The following ANKRD46 variants were observed in gnomAD, a reference collection of about 807,000 sequenced individuals.
The protein encoded by ANKRD46 is ankyrin repeat domain-containing protein 46.
Under a neutral mutation model 19.8 loss-of-function variants are expected in ANKRD46, and 13 were observed. That is an observed-to-expected ratio of 0.66 (90% CI 0.43 to 1.04). ANKRD46 has a LOEUF of 1.04. Ranked by LOEUF, ANKRD46 falls within the 50% of genes least tolerant of loss-of-function variation. The probability of loss-of-function intolerance (pLI) is 0.00; values close to 1 mark genes in which losing one functional copy is unlikely to be tolerated. For synonymous variants in ANKRD46, 91 were observed against 106.9 expected (o/e 0.85, Z 0.92); for missense variants, 185 against 274.8 (o/e 0.67, Z 2.31).
intron 1 of ANKRD46, among the ~76,000 whole-genome samples, chr8:100,554,166 T>C (rs1445993856): frequency 6.6e-6 from 1 of 152,222 alleles, no homozygotes; most frequent in Non-Finnish European, 1.5e-5. Flanking sequence ...TATCTCCTGC[T>C]TATTCAACAT....
At chr8:100,531,869 T>C (rs1429054272) in intron 2 of ANKRD46, among the ~76,000 whole-genome samples, 1 of 152,172 alleles carries the variant, frequency 6.6e-6, no homozygotes, top group Non-Finnish European at 1.5e-5. Flanking sequence ...ATGACTTGGA[T>C]GGCAATATGG....
In ANKRD46 at chr8:100,527,392, T is replaced by C. The variant is rs1288191169; in HGVS notation, c.470+453A>G. Reference sequence around the variant, plus strand: ...TCTTTTCTAAAATTGCCCAAGTTCTTGGCTTTACTTATACTTCTCTTTTTT... The same window carrying C: ...TCTTTTCTAAAATTGCCCAAGTTCTCGGCTTTACTTATACTTCTCTTTTTT... On this transcript the variant is annotated intron_variant, in intron 4 of 4. Transcript: ENST00000335659. The surrounding 1 kb of genome is among the most constrained non-coding windows in gnomAD (Gnocchi z 4.0). Among the ~76,000 whole-genome samples, 1 of 152,352 alleles carries C rather than the reference T, an allele frequency of 6.6e-6. No individual in the cohort carries two copies. The highest frequency in any genetic ancestry group is 1.9e-4 in the East Asian group (1 of 5,182).
intron 4 of ANKRD46, among the ~76,000 whole-genome samples, chr8:100,526,834 A>G (rs1475576800): frequency 2.0e-5 from 3 of 152,182 alleles, no homozygotes; most frequent in Non-Finnish European, 4.4e-5. Flanking sequence ...AATGATCCCA[A>G]TGGTCTAAGT....
rs965238391 is a variant in ANKRD46 at position 100,510,510 on chromosome 8, C to T, written c.*67G>A. The T allele has an allele frequency of 1.3e-5, 19 of 1,442,620 alleles. No homozygotes were observed. The African/African-American group carries it at 1.7e-4, about 13-fold the overall frequency. The allele number at this position is 1,442,620 out of a possible 1,614,324, so 89.4% of individuals were successfully genotyped here. A position where few individuals can be genotyped will look rare whatever the true frequency, so the allele number is the denominator to read the frequency against. ...CGGAAACAGCCCCACCCAACAGGGA[C>T]GCTGACGTCTGTATCCCTTCTTTCT... On this transcript the variant is annotated 3_prime_UTR_variant, in exon 6 of 6. Coordinates refer to the ANKRD46 transcript ENST00000520552. This position sits in a 1 kb window ranked among gnomAD's most constrained non-coding sequence, Gnocchi z 4.9.
At chr8:100,551,652 C>T in intron 1 of ANKRD46, 1 of 690,666 alleles carries the variant, frequency 1.4e-6, no homozygotes, top group South Asian at 1.3e-5. Flanking sequence ...TTAAAAGCAG[C>T]CCTGGTGACC....
chr8:100,550,968 G>A lies in ANKRD46; in HGVS notation c.-131+8743C>T. On this transcript the variant is annotated intron_variant, in intron 1 of 4. Transcript: ENST00000335659. This position sits in a 1 kb window ranked among gnomAD's most constrained non-coding sequence, Gnocchi z 4.4. ...TTTTTGATGTCATCATATTTGGCAG[G>A]TTTCTCCAGATGGCAGGTCAGGTCC... is the stretch of plus-strand genomic sequence containing the variant. The A allele has an allele frequency of 1.7e-6, 1 of 577,836 alleles. No individual in the cohort carries two copies. 35.8% of individuals were successfully genotyped at this position (577,836 alleles called of 1,614,324 possible).
At chr8:100,528,663 A>G (rs1322033431) in intron 3 of ANKRD46, among the ~76,000 whole-genome samples, 1 of 152,128 alleles carries the variant, frequency 6.6e-6, no homozygotes, top group Non-Finnish European at 1.5e-5. Context: ...TAAGAAAAAA[A>G]TGTCAAATAA....
intron 1 of ANKRD46, among the ~76,000 whole-genome samples, chr8:100,555,200 G>T (rs1376851811): frequency 2.6e-5 from 4 of 151,604 alleles, no homozygotes; most frequent in African/African-American, 9.7e-5. Context: ...ACCTTCAGTA[G>T]AATGGTACTA....
chr8:100,551,576 C>T (rs1812391201), intron 1 of ANKRD46: 1 of 747,492 alleles, frequency 1.3e-6, no homozygotes. Flanking sequence ...AATACTGGAA[C>T]ATGCAGACCA....
chr8:100,550,293 G>A lies in ANKRD46; in HGVS notation c.-131+9418C>T, dbSNP rs776660739. 6.6e-6 allele frequency among the ~76,000 whole-genome samples: 1 copy of A among 152,196 alleles called. No individual in the cohort carries two copies. The highest frequency in any genetic ancestry group is 1.5e-5 in the Non-Finnish European group (1 of 68,040). On this transcript the variant is annotated intron_variant, in intron 1 of 4. Coordinates refer to ENST00000335659, the MANE Select transcript of ANKRD46 (RefSeq NM_001270377.2). The surrounding 1 kb of genome is among the most constrained non-coding windows in gnomAD (Gnocchi z 4.4). ...GCATTCCCACTAGCAATGAATAAGA[G>A]TTCCTGTTAATCCACATTCTCACCA...
At position 100,527,597 on chromosome 8, in the gene ANKRD46, G is replaced by A. The variant is rs1369026263; in HGVS notation, c.470+248C>T. 6.6e-6 allele frequency among the ~76,000 whole-genome samples: 1 copy of A among 152,138 alleles called. No individual in the cohort carries two copies. The highest frequency in any genetic ancestry group is 1.5e-5 in the Non-Finnish European group (1 of 68,042). The stretch of plus-strand genomic sequence containing the variant: ...AATAGCTTCTCAATTGTAATCTGCA[G>A]TCATAAGGTCCTATATAAAGTTCAA... On this transcript the variant is annotated intron_variant, in intron 4 of 4. Coordinates refer to ENST00000335659, the MANE Select transcript of ANKRD46 (RefSeq NM_001270377.2). The surrounding 1 kb of genome is among the most constrained non-coding windows in gnomAD (Gnocchi z 4.0).
chr8:100,516,708 T>C (rs766479954), downstream of ANKRD46, among the ~76,000 whole-genome samples: 3 of 152,234 alleles, frequency 2.0e-5, no homozygotes, highest in Non-Finnish European at 2.9e-5. Flanking sequence ...TTCTACCTGA[T>C]CAATTACGCA....
chr8:100,550,924 T>G lies in ANKRD46; in HGVS notation c.-131+8787A>C. The stretch of plus-strand genomic sequence containing the variant: ...CCCAAGATGCCCTTGAGGGGCCCTC[T>G]GACGCCTGCTTCACCACCTTTTTGA... On this transcript the variant is annotated intron_variant, in intron 1 of 4. Transcript: ENST00000335659. The surrounding 1 kb of genome is among the most constrained non-coding windows in gnomAD (Gnocchi z 4.4). 1.7e-6 allele frequency: 1 copy of G among 600,988 alleles called. No homozygotes were observed. 37.2% of individuals were successfully genotyped at this position (600,988 alleles called of 1,614,324 possible).
In ANKRD46 at chr8:100,527,967, C is replaced by A. The variant is rs1306798390; in HGVS notation, c.348G>T (p.Lys116Asn). 6.2e-7 allele frequency: 1 copy of A among 1,605,860 alleles called. No homozygotes were observed. Among genetic ancestry groups the A allele is most frequent in the Non-Finnish European group, 8.5e-7 (1 of 1,177,832 alleles). The change falls in exon 4 of 5, where the codon AAG becomes AAT. Residue 116 changes from lysine (K) to asparagine (N), a missense_variant. By Grantham distance (94) the Lys-to-Asn change is moderately conservative. Coordinates refer to ENST00000335659, the MANE Select transcript of ANKRD46 (RefSeq NM_001270377.2). This position sits in a 1 kb window ranked among gnomAD's most constrained non-coding sequence, Gnocchi z 4.0. The stretch of plus-strand genomic sequence containing the variant: ...TGACATCTTTATTTACTCCTCTGCG[C>A]TTTGCCAGAACTAAAGGGGTAGCAC... Reference protein sequence around the residue: ...HQGATPLVLAKRRGVNKDVIR... With the variant: ...HQGATPLVLANRRGVNKDVIR...
downstream of ANKRD46, among the ~76,000 whole-genome samples, chr8:100,519,874 C>T (rs543333893): frequency 4.3e-4 from 66 of 152,252 alleles, no homozygotes; most frequent in African/African-American, 1.6e-3. Flanking sequence ...AGGCAAAGAG[C>T]TATTCAACCT....
intron 5 of ANKRD46, among the ~76,000 whole-genome samples, chr8:100,512,386 G>A (rs975819010): frequency 6.6e-6 from 1 of 152,142 alleles, no homozygotes; most frequent in African/African-American, 2.4e-5. Context: ...TTTCCACTGG[G>A]GACTGGGACT....
rs923870419 is a variant in ANKRD46, at chr8:100,532,205, C to A, written c.-28+1004G>T. Among the ~76,000 whole-genome samples, 1 of 152,170 alleles carries A rather than the reference C, an allele frequency of 6.6e-6. No individual in the cohort carries two copies. Among genetic ancestry groups the A allele is most frequent in the Non-Finnish European group, 1.5e-5 (1 of 68,028 alleles). Reference sequence around the variant, plus strand: ...ATCTGGCTGGACACAGTGGCTCACACCTGTAATCCCAGTACTTTGGAAGGC... The same window carrying A: ...ATCTGGCTGGACACAGTGGCTCACAACTGTAATCCCAGTACTTTGGAAGGC... On this transcript the variant is annotated intron_variant, in intron 2 of 4. Coordinates refer to ENST00000335659, the MANE Select transcript of ANKRD46 (RefSeq NM_001270377.2). This position sits in a 1 kb window ranked among gnomAD's most constrained non-coding sequence, Gnocchi z 4.7.
rs1812026488 is a variant in ANKRD46, at chr8:100,534,590, A to G, written c.-130-1279T>C. Among the ~76,000 whole-genome samples the G allele has an allele frequency of 6.6e-6, 1 of 152,194 alleles. No homozygotes were observed. The highest frequency in any genetic ancestry group is 2.4e-5 in the African/African-American group (1 of 41,460). ...GTCTCTAATGTATGATTTGGCTTTA[A>G]TTTTCAATGTTAATTAAAATGGTGC... On this transcript the variant is annotated intron_variant, in intron 1 of 4. Transcript: ENST00000335659. This position sits in a 1 kb window ranked among gnomAD's most constrained non-coding sequence, Gnocchi z 4.2.
rs1811916454 is a variant in ANKRD46 at position 100,529,647 on chromosome 8, A to C, written c.187T>G (p.Leu63Val). The C allele has an allele frequency of 3.1e-6, 5 of 1,614,146 alleles. No individual in the cohort carries two copies. Among genetic ancestry groups the C allele is most frequent in the Non-Finnish European group, 4.2e-6 (5 of 1,180,054 alleles). Residue 63 changes from leucine to valine, a missense_variant, in exon 3 of 5, where the codon TTA becomes GTA. Leu to Val is a conservative substitution (Grantham distance 32, BLOSUM62 1). Transcript: ENST00000335659. The surrounding 1 kb of genome is among the most constrained non-coding windows in gnomAD (Gnocchi z 5.8). ...AARGNVDICQ[L>V]LHKFGADLLA... The stretch of plus-strand genomic sequence containing the variant: ...AGATCGGCACCGAATTTATGCAGTA[A>C]CTGGCAGATGTCTACATTCCCTCGA...
Sources: allele counts gnomAD v4.1 joint callset (sites outside exome capture counted in the v4.1 genomes callset), GRCh38; gene constraint gnomAD v4.1.1; non-coding constraint Gnocchi (gnomAD v3.1); transcripts MANE v1.5; gene names NCBI Gene and HGNC (gene_info 2026-07-23, HGNC 2026-07-21).